The following FGF13 variants were observed in gnomAD, a reference collection of about 807,000 sequenced individuals.
FGF13 encodes the protein fibroblast growth factor homologous factor 2.
A neutral mutation model predicts 19.5 loss-of-function variants in FGF13; 2 were observed. The ratio of observed to expected loss-of-function variants is 0.10; its 90% CI spans 0.04 to 0.32. FGF13 has a LOEUF of 0.32. Ranked by LOEUF, FGF13 falls within the 10% of genes least tolerant of loss-of-function variation. The pLI is 1.00. For missense variants in FGF13, 113 were observed against 192.7 expected (o/e 0.59, Z 2.45); for synonymous variants, 72 against 76.9 (o/e 0.94, Z 0.33).
intron 3 of FGF13, among the ~76,000 whole-genome samples, chrX:138,773,625 G>A (rs1039238887): frequency 3.7e-4 from 41 of 112,060 alleles, no homozygotes; most frequent in African/African-American, 1.2e-3. Context: ...AATTTTAGCC[G>A]TTCTTAGTCC....
chrX:138,673,624 A>T (rs769681907), intron 3 of FGF13, among the ~76,000 whole-genome samples: 4 of 111,494 alleles, frequency 3.6e-5, no homozygotes, highest in Non-Finnish European at 7.5e-5. Context: ...ACTGCAAAAA[A>T]CCTTTTAAGG....
chrX:138,632,813 A>G lies in FGF13; in HGVS notation c.*37T>C. 1 of 1,184,861 alleles carries G rather than the reference A, an allele frequency of 8.4e-7. No homozygotes were observed. The highest frequency in any genetic ancestry group is 1.1e-6 in the Non-Finnish European group (1 of 878,125). ...AAGAATTCAACAGCACCTGGAGGTA[A>G]GGTTCTGTTACAGAGCCCTTCTTTT... is the stretch of plus-strand genomic sequence containing the variant. On this transcript the variant is annotated 3_prime_UTR_variant, in exon 5 of 5. Transcript: ENST00000315930.
At chrX:139,115,242 T>C (rs2083631209) in intron 1 of FGF13, among the ~76,000 whole-genome samples, 2 of 112,193 alleles carry the variant, frequency 1.8e-5, no homozygotes, top group Admixed American at 1.9e-4. Flanking sequence ...GTTTCAAATC[T>C]GCTAGTTGAT....
intron 3 of FGF13, among the ~76,000 whole-genome samples, chrX:138,761,150 A>T (rs1225917183): frequency 8.9e-6 from 1 of 111,793 alleles, no homozygotes; most frequent in Non-Finnish European, 1.9e-5. Flanking sequence ...ACCATGTTAA[A>T]TGTGCCTGAA....
At chrX:139,136,552 T>G (rs1431248648) in intron 1 of FGF13, among the ~76,000 whole-genome samples, 1 of 111,841 alleles carries the variant, frequency 8.9e-6, no homozygotes, top group Non-Finnish European at 1.9e-5. Context: ...CTCACAACTA[T>G]AATTTATTAC....
chrX:138,965,140 G>C, intron 1 of FGF13, among the ~76,000 whole-genome samples: 2 of 112,379 alleles, frequency 1.8e-5, no homozygotes, highest in Non-Finnish European at 3.8e-5. Context: ...AGGAGGACAT[G>C]CTGTTTCCTT....
chrX:139,164,457 C>A (rs1201738679), intron 1 of FGF13, among the ~76,000 whole-genome samples: 8 of 110,822 alleles, frequency 7.2e-5, no homozygotes, highest in African/African-American at 2.6e-4. Context: ...CTTTTAGAGC[C>A]CAGGCGGGTG....
At chrX:138,884,084 T>C (rs2091440569) in intron 1 of FGF13, among the ~76,000 whole-genome samples, 1 of 111,554 alleles carries the variant, frequency 9.0e-6, no homozygotes, top group African/African-American at 3.3e-5. Flanking sequence ...AAATTGTGAC[T>C]CCATTTCCTA....
chrX:139,028,665 AAGAGAGAGT>A (rs1569443966), intron 1 of FGF13, among the ~76,000 whole-genome samples: 2 of 26,048 alleles, frequency 7.7e-5, no homozygotes, highest in Admixed American at 4.8e-4. Context: ...GAGAGAGAGA[AAGAGAGAGT>A]GTGTGTGAAA....
intron 3 of FGF13, among the ~76,000 whole-genome samples, chrX:138,818,220 TAATCATAATTGTAACCC>T (rs2090974422): frequency 9.0e-6 from 1 of 111,255 alleles, no homozygotes; most frequent in African/African-American, 3.3e-5. Context: ...GGAATAACAT[TAATCATAATTGTAACCC>T]AATCATCAAT....
chrX:138,820,466 T>C (rs758135008), intron 3 of FGF13, among the ~76,000 whole-genome samples: 1 of 112,124 alleles, frequency 8.9e-6, no homozygotes, highest in African/African-American at 3.2e-5. Flanking sequence ...TTTGGGGTCA[T>C]TAAGTTTCTG....
chrX:139,008,692 T>A (rs761396008), intron 1 of FGF13, among the ~76,000 whole-genome samples: 9 of 111,980 alleles, frequency 8.0e-5, no homozygotes, highest in Non-Finnish European at 1.5e-4. Flanking sequence ...GACAAAAGAA[T>A]GTGAACAGCA....
At chrX:138,808,679 TCA>T (rs2090893363) in intron 3 of FGF13, among the ~76,000 whole-genome samples, 1 of 103,009 alleles carries the variant, frequency 9.7e-6, no homozygotes, top group Non-Finnish European at 1.9e-5. Context: ...ATCAACAAAA[TCA>T]CTAACAAGAT....
chrX:139,167,064 C>T (rs2084092559), intron 1 of FGF13, among the ~76,000 whole-genome samples: 1 of 111,902 alleles, frequency 8.9e-6, no homozygotes, highest in African/African-American at 3.2e-5. Flanking sequence ...TGGCAAACTC[C>T]TATTCACCCA....
intron 1 of FGF13, among the ~76,000 whole-genome samples, chrX:139,055,134 G>A (rs2092317225): frequency 9.0e-6 from 1 of 111,197 alleles, no homozygotes; most frequent in African/African-American, 3.3e-5. Context: ...AGCAGTGACA[G>A]TCTGACTACC....
chrX:138,847,618 A>C (rs1217218430), intron 3 of FGF13, among the ~76,000 whole-genome samples: 1 of 111,972 alleles, frequency 8.9e-6, no homozygotes. Context: ...ACGCTTTCAC[A>C]GTGGTCATTA....
At chrX:138,802,827 C>A (rs2090839816) in intron 3 of FGF13, among the ~76,000 whole-genome samples, 1 of 111,415 alleles carries the variant, frequency 9.0e-6, no homozygotes, top group Non-Finnish European at 1.9e-5. Flanking sequence ...ATTACTCACT[C>A]CATTCTCCTC....
At chrX:139,177,536 G>A (rs986672254) in intron 1 of FGF13, among the ~76,000 whole-genome samples, 21 of 111,293 alleles carry the variant, frequency 1.9e-4, no homozygotes, top group African/African-American at 6.9e-4. Flanking sequence ...TTACAATTTG[G>A]TATGTTTTTG....
At chrX:138,811,075 C>T (rs1469949151) in intron 3 of FGF13, among the ~76,000 whole-genome samples, 3 of 112,014 alleles carry the variant, frequency 2.7e-5, no homozygotes, top group African/African-American at 6.5e-5. Context: ...TACCATTTGA[C>T]GCAGCCATCC....
Sources: gnomAD v4.1 joint callset for allele counts (sites outside exome capture counted in the v4.1 genomes callset) on GRCh38, gnomAD v4.1.1 for gene constraint, MANE v1.5 for transcripts, NCBI Gene and HGNC (gene_info 2026-07-23, HGNC 2026-07-21) for gene names.